PLA2G2A: variants seen among roughly 807,000 people sequenced by gnomAD.
PLA2G2A encodes the protein phospholipase A2 group IIA, also known as phospholipase A2, membrane associated.
A neutral mutation model predicts 11.2 loss-of-function variants in PLA2G2A; 6 were observed. The ratio of observed to expected loss-of-function variants is 0.54; its 90% confidence interval spans 0.29 to 1.06. The LOEUF (loss-of-function observed/expected upper bound fraction) is 1.06. Among genes scored for constraint, PLA2G2A ranks in the 50% least tolerant of loss-of-function variants. The pLI is 0.08. For synonymous variants in PLA2G2A, 69 were observed against 65.8 expected (o/e 1.05, Z -0.23); for missense variants, 133 against 177.1 (o/e 0.75, Z 1.41).
chr1:19,978,779 G>A (rs1557703641), exon 2 of PLA2G2A: 7 of 1,614,142 alleles, frequency 4.3e-6, no homozygotes, highest in Non-Finnish European at 5.9e-6. Flanking sequence ...TTCATGGTAA[G>A]AGTTCTTGGG....
chr1:19,978,400 G>T (rs11539239), exon 3 of PLA2G2A: 1 of 1,613,254 alleles, frequency 6.2e-7, no homozygotes, highest in Admixed American at 1.7e-5. Context: ...CATCCTTGGG[G>T]GATCCTCTGC....
At chr1:19,975,501 T>G, downstream of PLA2G2A, 1 of 615,962 alleles carries the variant, frequency 1.6e-6, no homozygotes, top group South Asian at 1.9e-5. Flanking sequence ...AAGCACGGAG[T>G]TGAGGTGGAG....
At chr1:19,976,022 T>C (rs2046215091) in intron 4 of PLA2G2A, among the ~76,000 whole-genome samples, 179 bp from the exon 5 acceptor site, 1 of 152,180 alleles carries the variant, frequency 6.6e-6, no homozygotes, top group African/African-American at 2.4e-5. Context: ...CTTGGGATGC[T>C]GGCCTCCAGC....
chr1:19,975,570 G>A, downstream of PLA2G2A: 1 of 829,100 alleles, frequency 1.2e-6, no homozygotes, highest in Non-Finnish European at 2.1e-6. Context: ...GTATAGAAGG[G>A]CTCCTGCCTG....
Position 19,975,810 on chromosome 1 carries a change from TCA to T in PLA2G2A, c.324_325del (p.Cys108Ter), listed in dbSNP as rs1414508352. The T allele has an allele frequency of 6.2e-7, 1 of 1,613,846 alleles. No homozygotes were observed. Among genetic ancestry groups the T allele is most frequent in the African/African-American group, 1.3e-5 (1 of 74,940 alleles). On this transcript the variant is annotated stop_gained and frameshift_variant, in exon 5 of 5. Transcript: ENST00000482011. LOFTEE classifies it low-confidence loss of function (END_TRUNC). Reference sequence around the variant, plus strand: ...ACAGGTGGCAGCAGCCTTATCACACTCACACAGTTGACTTCTGCAGGAGTCCT... The same window carrying T: ...ACAGGTGGCAGCAGCCTTATCACACTCACAGTTGACTTCTGCAGGAGTCCT...
chr1:19,975,941 G>A, intron 4 of PLA2G2A, 98 bp from the exon 5 acceptor site: 1 of 1,009,656 alleles, frequency 9.9e-7, no homozygotes. Context: ...CTGTCCTCCA[G>A]AAGCTCCTAG....
In PLA2G2A at chr1:19,978,805, G is replaced by C. The variant is rs201624342; in HGVS notation, c.-32C>G. On this transcript the variant is annotated 5_prime_UTR_variant, in exon 2 of 5. Coordinates refer to ENST00000482011, the Ensembl canonical transcript of PLA2G2A. Reference sequence around the variant, plus strand: ...AGTTCTTGGGTGACAAATGCAGATGGACTGGCCTAGCTCCTCTGCTGGGTG... The same window carrying C: ...AGTTCTTGGGTGACAAATGCAGATGCACTGGCCTAGCTCCTCTGCTGGGTG... The C allele has an allele frequency of 1.0e-4, 163 of 1,609,656 alleles. No homozygotes were observed. The African/African-American group carries it at 1.9e-3, about 19-fold the overall frequency.
chr1:19,978,587 C>T, intron 2 of PLA2G2A, 63 bp from the exon 3 acceptor site: 1 of 1,605,496 alleles, frequency 6.2e-7, no homozygotes, highest in Non-Finnish European at 8.5e-7. Context: ...TCCCTCTCTG[C>T]CCCTCTCTGC....
Position 19,978,323 on chromosome 1 carries a change from C to T in PLA2G2A, c.185+57G>A, listed in dbSNP as rs1174888858. On this transcript the variant is annotated intron_variant, in intron 3 of 4. Coordinates refer to ENST00000482011, the Ensembl canonical transcript of PLA2G2A. The stretch of plus-strand genomic sequence containing the variant: ...TCAGGAACCGGCACTGTCTTTGCAG[C>T]TCCCAGCCCTGCCTGGGCCAGAGTC... 9.4e-6 allele frequency: 15 copies of T among 1,588,506 alleles called. No individual in the cohort carries two copies. The East Asian group carries it at 3.1e-4, about 33-fold the overall frequency.
intron 3 of PLA2G2A, 127 bp from the exon 4 acceptor site, chr1:19,978,248 A>G: frequency 2.2e-6 from 3 of 1,374,702 alleles, no homozygotes; most frequent in Non-Finnish European, 3.1e-6. Flanking sequence ...CAGAAGTTCC[A>G]ACATGCCGGC....
At chr1:19,976,346 G>A (rs2046219430) in intron 4 of PLA2G2A, among the ~76,000 whole-genome samples, 1 of 152,196 alleles carries the variant, frequency 6.6e-6, no homozygotes. Context: ...CATAGTATGA[G>A]GCCAGGAGGG....
At chr1:19,978,259 T>A (rs1226863436) in intron 3 of PLA2G2A, 121 bp downstream of exon 3, 3 of 1,393,568 alleles carry the variant, frequency 2.2e-6, no homozygotes, top group Non-Finnish European at 3.0e-6. Context: ...ACATGCCGGC[T>A]GCTTTTCCAG....
exon 2 of PLA2G2A, chr1:19,978,828 G>T: frequency 1.9e-6 from 3 of 1,581,782 alleles, no homozygotes; most frequent in Non-Finnish European, 2.6e-6. Context: ...CCTCTGCTGG[G>T]TGGTCTCAAC....
chr1:19,977,886 C>T, intron 4 of PLA2G2A, 129 bp downstream of exon 4: 1 of 727,870 alleles, frequency 1.4e-6, no homozygotes, highest in Non-Finnish European at 2.6e-6. Context: ...ACTTTCCTGG[C>T]TTCCCACTCA....
intron 4 of PLA2G2A, 75 bp from the exon 5 acceptor site, chr1:19,975,918 A>G (rs2100408483): frequency 1.6e-6 from 2 of 1,276,786 alleles, no homozygotes; most frequent in Admixed American, 1.8e-5. Flanking sequence ...ACCCTGGGGT[A>G]GAAGACACAG....
At chr1:19,979,100 C>G in intron 1 of PLA2G2A, 1 of 410,590 alleles carries the variant, frequency 2.4e-6, no homozygotes, top group Non-Finnish European at 4.5e-6. Flanking sequence ...GAGACCTCCC[C>G]TGTACCTCAT....
In PLA2G2A at chr1:19,978,898, C is replaced by G. The variant is rs768907246; in HGVS notation, c.-106-19G>C. 15 of 847,028 alleles carry G rather than the reference C, an allele frequency of 1.8e-5. No homozygotes were observed. The highest frequency in any genetic ancestry group is 3.3e-5 in the African/African-American group (2 of 60,934). 52.5% of individuals were successfully genotyped at this position (847,028 alleles called of 1,614,324 possible). A position where few individuals can be genotyped will look rare whatever the true frequency, so the allele number is the denominator to read the frequency against. ...GGTGGCTCTGAGACACACAGACATG[C>G]TCTCCCATCCAACCTAAGTCCAGGG... On this transcript the variant is annotated intron_variant, in intron 1 of 4. Coordinates refer to ENST00000482011, the Ensembl canonical transcript of PLA2G2A.
intron 2 of PLA2G2A, 40 bp from the exon 3 acceptor site, chr1:19,978,564 G>T: frequency 6.2e-7 from 1 of 1,612,230 alleles, no homozygotes; most frequent in Non-Finnish European, 8.5e-7. Flanking sequence ...ATGGGGCATG[G>T]GGTTCTGCGC....
intron 2 of PLA2G2A, 92 bp downstream of exon 2, chr1:19,978,642 G>A: frequency 1.3e-6 from 2 of 1,593,208 alleles, no homozygotes; most frequent in Non-Finnish European, 1.7e-6. Flanking sequence ...CCCTGAGAGA[G>A]GATCACTGCA....
Sources: allele counts gnomAD v4.1 joint callset (sites outside exome capture counted in the v4.1 genomes callset), GRCh38; gene constraint gnomAD v4.1.1; transcripts MANE v1.5; gene names NCBI Gene and HGNC (gene_info 2026-07-23, HGNC 2026-07-21).